Variants in ENTPD1 observed in about 807,000 individuals in gnomAD.
The protein encoded by ENTPD1 is ectonucleoside triphosphate diphosphohydrolase 1, also known as ATP diphosphohydrolase.
In ENTPD1, 33 loss-of-function variants were observed where a neutral mutation model predicts 57.0. That is an observed-to-expected ratio of 0.58 (90% CI 0.44 to 0.77). The LOEUF (loss-of-function observed/expected upper bound fraction) is 0.77. Among genes scored for constraint, ENTPD1 ranks in the 30% least tolerant of loss-of-function variants. ENTPD1 has a pLI of 0.00. For synonymous variants in ENTPD1, 202 were observed against 218.8 expected, an observed-to-expected ratio of 0.92 and a Z score of 0.68; for missense variants, 501 against 603.4, an observed-to-expected ratio of 0.83 and a Z score of 1.78.
At chr10:95,751,364 G>A (rs2098011680), upstream of ENTPD1, among the ~76,000 whole-genome samples, 1 of 152,202 alleles carries the variant, frequency 6.6e-6, no homozygotes, top group African/African-American at 2.4e-5. Flanking sequence ...GGGATGTGGG[G>A]AGGGGTCTAG....
Position 95,867,238 on chromosome 10 carries a change from T to A in ENTPD1, c.*855T>A. On this transcript the variant is annotated 3_prime_UTR_variant, in exon 10 of 10. Transcript: ENST00000371205. ...AAATATACATAAATATAATTCACCATTTTAACATTTAATTCATATTAAATA... is the reference window on the plus strand; with the variant it reads ...AAATATACATAAATATAATTCACCAATTTAACATTTAATTCATATTAAATA... 1.0e-6 allele frequency: 1 copy of A among 978,124 alleles called. No individual in the cohort carries two copies. 60.6% of individuals were successfully genotyped at this position (978,124 alleles called of 1,614,324 possible). A position where few individuals can be genotyped will look rare whatever the true frequency, so the allele number is the denominator to read the frequency against.
chr10:95,862,931 G>A (rs1165201911), intron 8 of ENTPD1, among the ~76,000 whole-genome samples: 1 of 152,160 alleles, frequency 6.6e-6, no homozygotes, highest in African/African-American at 2.4e-5. Context: ...TATCCATGAA[G>A]AGAAAAGAAC....
chr10:95,718,681 A>C (rs1245562890), intron 1 of ENTPD1, among the ~76,000 whole-genome samples: 1 of 152,136 alleles, frequency 6.6e-6, no homozygotes, highest in African/African-American at 2.4e-5. Flanking sequence ...GAGGGCTATT[A>C]GTTCTGCCAG....
At chr10:95,800,317 G>A (rs1364174000) in intron 1 of ENTPD1, among the ~76,000 whole-genome samples, 2 of 152,146 alleles carry the variant, frequency 1.3e-5, no homozygotes, top group African/African-American at 4.8e-5. Context: ...TTTTGAAAGG[G>A]GAGGGGGTGT....
chr10:95,863,101 G>T (rs1040402811), intron 8 of ENTPD1, among the ~76,000 whole-genome samples: 2 of 152,174 alleles, frequency 1.3e-5, no homozygotes, highest in Non-Finnish European at 2.9e-5. Context: ...TGATGAAGAA[G>T]GTGGATGCCT....
intron 9 of ENTPD1, 131 bp from the exon 10 acceptor site, chr10:95,866,046 T>C: frequency 7.7e-7 from 1 of 1,302,498 alleles, no homozygotes; most frequent in Non-Finnish European, 1.1e-6. Flanking sequence ...ATTACAGGCA[T>C]GAGCCACTGT....
At chr10:95,808,829 T>C (rs995012460) in intron 1 of ENTPD1, among the ~76,000 whole-genome samples, 12 of 152,006 alleles carry the variant, frequency 7.9e-5, no homozygotes, top group African/African-American at 2.9e-4. Context: ...GATAAACACG[T>C]GAACAAAGGT....
intron 8 of ENTPD1, among the ~76,000 whole-genome samples, chr10:95,864,445 AACCTACTAG>A (rs2098470482): frequency 6.6e-6 from 1 of 152,202 alleles, no homozygotes; most frequent in Non-Finnish European, 1.5e-5. Context: ...AGTGTTTCAG[AACCTACTAG>A]ACCACAGGAA....
At chr10:95,700,213 T>C in the ENTPD1 span, among the ~76,000 whole-genome samples, 2 of 152,206 alleles carry the variant, frequency 1.3e-5, no homozygotes, top group African/African-American at 2.4e-5. Flanking sequence ...AAATTAAAAC[T>C]ATTAACTTTT....
At chr10:95,698,929 G>C in the ENTPD1 span, among the ~76,000 whole-genome samples, 6 of 152,094 alleles carry the variant, frequency 3.9e-5, no homozygotes, top group Non-Finnish European at 8.8e-5. Context: ...GGGAATCTCA[G>C]TTACCAAGGT....
At position 95,871,678 on chromosome 10, in the gene ENTPD1, A is replaced by G; in HGVS notation, c.*5295A>G. 2.0e-6 allele frequency: 2 copies of G among 985,402 alleles called. No homozygotes were observed. Among genetic ancestry groups the G allele is most frequent in the Non-Finnish European group, 2.4e-6 (2 of 829,902 alleles). The allele number at this position is 985,402 out of a possible 1,614,324, so 61.0% of individuals were successfully genotyped here. The stretch of plus-strand genomic sequence containing the variant: ...TATGTCTTTTGCATTGCTCTATTTT[A>G]CATAAATTAAGTTATAAATTGACAC... On this transcript the variant is annotated 3_prime_UTR_variant, in exon 10 of 10. Transcript: ENST00000371205.
intron 1 of ENTPD1, among the ~76,000 whole-genome samples, chr10:95,762,278 C>A (rs1045888230): frequency 2.0e-5 from 3 of 150,588 alleles, no homozygotes; most frequent in Non-Finnish European, 2.9e-5. Context: ...TGCTTTATGT[C>A]CGTGAGGATA....
In ENTPD1 at chr10:95,823,218, C is replaced by A; in HGVS notation, c.17-19C>A. On this transcript the variant is annotated intron_variant, in intron 1 of 9. Coordinates refer to ENST00000371205, the MANE Select transcript of ENTPD1 (RefSeq NM_001776.6). The stretch of plus-strand genomic sequence containing the variant: ...TTTGATTTCTTGTTGGTATTTTTTT[C>A]TTCTGCTTTTGGTTTTAGAGTCTAA... 6.2e-7 allele frequency: 1 copy of A among 1,613,498 alleles called. No homozygotes were observed. Among genetic ancestry groups the A allele is most frequent in the Non-Finnish European group, 8.5e-7 (1 of 1,179,684 alleles).
chr10:95,869,112 C>T lies in ENTPD1; in HGVS notation c.*2729C>T, dbSNP rs1303765153. 2.0e-6 allele frequency: 2 copies of T among 985,122 alleles called. No individual in the cohort carries two copies. The highest frequency in any genetic ancestry group is 2.4e-6 in the Non-Finnish European group (2 of 829,932). 61.0% of individuals were successfully genotyped at this position (985,122 alleles called of 1,614,324 possible). ...ATTACCATTCTCCCCTGGATTTTCACCCAGGACTCAAAACTTGGTTCTGCT... is the reference window on the plus strand; with the variant it reads ...ATTACCATTCTCCCCTGGATTTTCATCCAGGACTCAAAACTTGGTTCTGCT... On this transcript the variant is annotated 3_prime_UTR_variant, in exon 10 of 10. Coordinates refer to ENST00000371205, the MANE Select transcript of ENTPD1 (RefSeq NM_001776.6).
At chr10:95,836,371 G>A (rs973895655) in intron 2 of ENTPD1, among the ~76,000 whole-genome samples, 3 of 151,796 alleles carry the variant, frequency 2.0e-5, no homozygotes, top group Admixed American at 1.3e-4. Flanking sequence ...TGGGCAATAC[G>A]ACGCATTCAA....
In ENTPD1 at chr10:95,857,287, G is replaced by A. The variant is rs1029165065; in HGVS notation, c.1075-3182G>A. The stretch of plus-strand genomic sequence containing the variant: ...TCTACCTCATAGAAATTTGTTGTTT[G>A]TTGATCTGTTTTTTATAATTTGTAC... On this transcript the variant is annotated intron_variant, in intron 7 of 9. Coordinates refer to ENST00000371205, the MANE Select transcript of ENTPD1 (RefSeq NM_001776.6). Among the ~76,000 whole-genome samples, 60 of 152,134 alleles carry A rather than the reference G, an allele frequency of 3.9e-4. 2 individuals carry two copies. The highest frequency in any genetic ancestry group is 3.9e-3 in the Admixed American group (60 of 15,270).
At chr10:95,808,244 A>G (rs2140405110) in intron 1 of ENTPD1, among the ~76,000 whole-genome samples, 1 of 152,348 alleles carries the variant, frequency 6.6e-6, no homozygotes, top group East Asian at 1.9e-4. Context: ...ATGTTGAACC[A>G]ACCTTACATC....
intron 1 of ENTPD1, among the ~76,000 whole-genome samples, chr10:95,739,788 TG>T (rs1480457029): frequency 6.6e-6 from 1 of 152,230 alleles, no homozygotes; most frequent in East Asian, 1.9e-4. Flanking sequence ...TGATTTACTT[TG>T]CCCACATCCA....
At chr10:95,699,693 CCT>C in the ENTPD1 span, among the ~76,000 whole-genome samples, 6 of 151,954 alleles carry the variant, frequency 3.9e-5, no homozygotes, top group Non-Finnish European at 8.8e-5. Context: ...ACATTTGACC[CCT>C]CTTTTGAAAT....
Sources: gnomAD v4.1 joint callset for allele counts (sites outside exome capture counted in the v4.1 genomes callset) on GRCh38, gnomAD v4.1.1 for gene constraint, MANE v1.5 for transcripts, NCBI Gene and HGNC (gene_info 2026-07-23, HGNC 2026-07-21) for gene names.